Variants in GALNT2 observed in about 807,000 individuals in gnomAD.
GALNT2 encodes the protein UDP-GalNAc:polypeptide N-acetylgalactosaminyltransferase 2.
In GALNT2, 31 loss-of-function variants were observed where a neutral mutation model predicts 81.4. The observed-to-expected ratio is 0.38, with a 90% CI of 0.29 to 0.51. The LOEUF (loss-of-function observed/expected upper bound fraction) is 0.51, where lower values mean the gene tolerates loss of function less well. GALNT2 is among the 20% of genes least tolerant of loss of function. GALNT2 has a pLI of 0.87. For synonymous variants in GALNT2, 303 were observed against 287.4 expected, an observed-to-expected ratio of 1.05 and a Z score of -0.55; for missense variants, 629 against 765.7, an observed-to-expected ratio of 0.82 and a Z score of 2.11.
At chr1:230,234,091 A>G (rs1664950026) in intron 3 of GALNT2, among the ~76,000 whole-genome samples, 1 of 152,158 alleles carries the variant, frequency 6.6e-6, no homozygotes, top group South Asian at 2.1e-4. Flanking sequence ...GAATACGTGA[A>G]AAGGCTCTCC....
chr1:230,081,399 T>C (rs1050197623), intron 1 of GALNT2, among the ~76,000 whole-genome samples: 3 of 152,200 alleles, frequency 2.0e-5, no homozygotes, highest in African/African-American at 7.2e-5. Context: ...TACCGAGATA[T>C]GGTTTTAAGT....
At chr1:230,092,595 C>T (rs889413605) in intron 1 of GALNT2, among the ~76,000 whole-genome samples, 12 of 151,986 alleles carry the variant, frequency 7.9e-5, no homozygotes, top group African/African-American at 1.7e-4. Flanking sequence ...CTGCCTGCCT[C>T]GGCCTCCCAA....
chr1:230,191,802 C>T lies in GALNT2; in HGVS notation c.221-11335C>T, dbSNP rs150671308. Among the ~76,000 whole-genome samples the T allele has an allele frequency of 9.5e-4, 145 of 151,920 alleles. 1 individual carries two copies. Among genetic ancestry groups the T allele is most frequent in the Non-Finnish European group, 1.4e-3 (95 of 68,008 alleles). ...TGCTGGGATCATAGGCGTGAGCCAC[C>T]GTGCCCATTCAGGAAGCAGCGTTTG... On this transcript the variant is annotated intron_variant, in intron 2 of 15. Coordinates refer to ENST00000366672, the MANE Select transcript of GALNT2 (RefSeq NM_004481.5).
intron 1 of GALNT2, among the ~76,000 whole-genome samples, chr1:230,107,522 G>A (rs921780221): frequency 6.6e-6 from 1 of 151,980 alleles, no homozygotes; most frequent in African/African-American, 2.4e-5. Flanking sequence ...TGAGGCTGCA[G>A]TGAGCTATGA....
At position 230,141,307 on chromosome 1, in the gene GALNT2, C is replaced by T. The variant is rs142818804; in HGVS notation, c.127-36911C>T. ...CTGGGTTCCTTACTTTGTTTTTAAT[C>T]CTTAAAAGTTGGTAAAATACATACA... is the stretch of plus-strand genomic sequence containing the variant. On this transcript the variant is annotated intron_variant, in intron 1 of 15. Coordinates refer to ENST00000366672, the MANE Select transcript of GALNT2 (RefSeq NM_004481.5). Among the ~76,000 whole-genome samples, 73 of 152,292 alleles carry T rather than the reference C, an allele frequency of 4.8e-4. 1 individual carries two copies. Among genetic ancestry groups the T allele is most frequent in the Non-Finnish European group, 8.8e-4 (60 of 68,032 alleles).
rs1026534486 is a variant in GALNT2, at chr1:230,279,632, G to A, written c.*174G>A. The A allele has an allele frequency of 1.2e-6, 1 of 800,460 alleles. No homozygotes were observed. The highest frequency in any genetic ancestry group is 3.7e-4 in the Middle Eastern group (1 of 2,674). 49.6% of individuals were successfully genotyped at this position (800,460 alleles called of 1,614,324 possible). On this transcript the variant is annotated 3_prime_UTR_variant, in exon 16 of 16. Coordinates refer to ENST00000366672, the MANE Select transcript of GALNT2 (RefSeq NM_004481.5). This position sits in a 1 kb window ranked among gnomAD's most constrained non-coding sequence, Gnocchi z 4.6. The stretch of plus-strand genomic sequence containing the variant: ...CGGACGACTGTGCAGACACAGCAGC[G>A]GCAAGAAGCGAGAACTGCCCTCCCC...
At chr1:230,163,929 G>A (rs958848819) in intron 1 of GALNT2, among the ~76,000 whole-genome samples, 2 of 152,188 alleles carry the variant, frequency 1.3e-5, no homozygotes, top group African/African-American at 4.8e-5. Flanking sequence ...AACTGGCCGG[G>A]GGTGGTGGAT....
chr1:230,154,246 G>A (rs1662178504), intron 1 of GALNT2, among the ~76,000 whole-genome samples: 1 of 152,278 alleles, frequency 6.6e-6, no homozygotes, highest in East Asian at 1.9e-4. Flanking sequence ...TAGGCCCTTC[G>A]TCCACAGTGG....
rs750017736 is a variant in GALNT2, at chr1:230,067,394, C to T, written c.114C>T (p.Gly38=). The T allele has an allele frequency of 1.0e-4, 127 of 1,254,740 alleles. No homozygotes were observed. The highest frequency in any genetic ancestry group is 1.6e-4 in the Admixed American group (4 of 24,326). The allele number at this position is 1,254,740 out of a possible 1,614,324, so 77.7% of individuals were successfully genotyped here. ...CGCTGGCCGGGGGCGCGGGCGGCGG[C>T]GCCGGCAGGAAGGTGAGTGGAGCGC... ...GSALAGGAGG[G]AGRKEDWNEI... Residue 38 remains glycine (G), a synonymous_variant, in exon 1 of 16, where the codon GGC becomes GGT. Transcript: ENST00000366672.
At chr1:230,133,353 C>T (rs939886339) in intron 1 of GALNT2, among the ~76,000 whole-genome samples, 6 of 152,250 alleles carry the variant, frequency 3.9e-5, no homozygotes, top group Non-Finnish European at 8.8e-5. Flanking sequence ...GACCAGAAGA[C>T]TCTTTTGTAC....
At chr1:230,249,929 C>T (rs1472236821) in intron 9 of GALNT2, among the ~76,000 whole-genome samples, 1 of 152,230 alleles carries the variant, frequency 6.6e-6, no homozygotes. Context: ...AAGTAGGGAG[C>T]TCAGTGTACA....
At position 230,275,498 on chromosome 1, in the gene GALNT2, C is replaced by T. The variant is rs1406216829; in HGVS notation, c.1560+934C>T. On this transcript the variant is annotated intron_variant, in intron 15 of 15. Coordinates refer to ENST00000366672, the MANE Select transcript of GALNT2 (RefSeq NM_004481.5). This position sits in a 1 kb window ranked among gnomAD's most constrained non-coding sequence, Gnocchi z 5.5. ...CCACATATATATACATATACACACACACACCACAGATACATACATATATAT... is the reference window on the plus strand; with the variant it reads ...CCACATATATATACATATACACACATACACCACAGATACATACATATATAT... Among the ~76,000 whole-genome samples the T allele has an allele frequency of 1.3e-5, 2 of 150,866 alleles. No homozygotes were observed. The highest frequency in any genetic ancestry group is 6.6e-5 in the Admixed American group (1 of 15,106).
At chr1:230,262,692 A>C in intron 12 of GALNT2, 27 bp downstream of exon 12, 1 of 856,970 alleles carries the variant, frequency 1.2e-6, no homozygotes, top group Non-Finnish European at 1.9e-6. Flanking sequence ...CCTTCTCACA[A>C]TTACTGGGGA....
At chr1:230,168,446 C>T (rs1662683396) in intron 1 of GALNT2, among the ~76,000 whole-genome samples, 1 of 152,214 alleles carries the variant, frequency 6.6e-6, no homozygotes, top group Non-Finnish European at 1.5e-5. Context: ...GGCCTTGCCC[C>T]TCCTGTCCCC....
chr1:230,093,522 C>CGGA (rs1660155430), intron 1 of GALNT2, among the ~76,000 whole-genome samples: 1 of 152,206 alleles, frequency 6.6e-6, no homozygotes, highest in African/African-American at 2.4e-5. Context: ...CCTGGGCTTC[C>CGGA]TGCTGCTTCA....
At chr1:230,196,367 T>G (rs1489870790) in intron 2 of GALNT2, among the ~76,000 whole-genome samples, 3 of 152,220 alleles carry the variant, frequency 2.0e-5, no homozygotes, top group Non-Finnish European at 4.4e-5. Context: ...TGGCGGGTCT[T>G]TCCAGTGAGG....
chr1:230,256,854 G>A (rs1665731243), intron 11 of GALNT2, among the ~76,000 whole-genome samples: 1 of 152,146 alleles, frequency 6.6e-6, no homozygotes, highest in South Asian at 2.1e-4. Flanking sequence ...AAGGTAAGAT[G>A]CAGTCATGTG....
chr1:230,103,639 T>C (rs1318279597), intron 1 of GALNT2, among the ~76,000 whole-genome samples: 2 of 152,150 alleles, frequency 1.3e-5, no homozygotes, highest in East Asian at 3.9e-4. Context: ...CAGGATTTTG[T>C]CTGTGGTTCT....
rs542607479 is a variant in GALNT2, at chr1:230,248,414, C to T, written c.818-770C>T. On this transcript the variant is annotated intron_variant, in intron 8 of 15. Coordinates refer to ENST00000366672, the MANE Select transcript of GALNT2 (RefSeq NM_004481.5). The stretch of plus-strand genomic sequence containing the variant: ...TTTGCCAAGAAGTGGCCTCCTGATG[C>T]ACCAGGACAGCTTCCGCAGGTGGAG... Among the ~76,000 whole-genome samples, 7 of 152,280 alleles carry T rather than the reference C, an allele frequency of 4.6e-5. No individual in the cohort carries two copies. The South Asian group carries it at 1.5e-3, about 32-fold the overall frequency.
Sources: gnomAD v4.1 joint callset for allele counts (sites outside exome capture counted in the v4.1 genomes callset) on GRCh38, gnomAD v4.1.1 for gene constraint, Gnocchi (gnomAD v3.1) non-coding constraint, MANE v1.5 for transcripts, NCBI Gene and HGNC (gene_info 2026-07-23, HGNC 2026-07-21) for gene names.